ZNF385B: variants seen among roughly 807,000 people sequenced by gnomAD.
ZNF385B encodes the protein zinc finger protein 385B.
ZNF385B carries 23 observed loss-of-function variants against 39.2 expected under a neutral mutation model. The observed-to-expected ratio is 0.59, with a 90% CI of 0.42 to 0.83. The LOEUF (loss-of-function observed/expected upper bound fraction) is 0.83. ZNF385B is among the 40% of genes least tolerant of loss of function. The probability of loss-of-function intolerance (pLI) is 0.00; values close to 1 mark genes in which losing one functional copy is unlikely to be tolerated. For synonymous variants in ZNF385B, 205 were observed against 222.6 expected (o/e 0.92, Z 0.70); for missense variants, 552 against 598.9 (o/e 0.92, Z 0.82).
At chr2:179,538,449 A>G (rs1035340241) in intron 4 of ZNF385B, among the ~76,000 whole-genome samples, 14 of 152,214 alleles carry the variant, frequency 9.2e-5, no homozygotes, top group African/African-American at 3.4e-4. Flanking sequence ...TGTGAATTTG[A>G]TTCCCAATTT....
At chr2:179,527,237 G>A (rs11891238) in intron 4 of ZNF385B, among the ~76,000 whole-genome samples, 149 of 152,232 alleles carry the variant, frequency 9.8e-4, no homozygotes, top group African/African-American at 3.5e-3. Flanking sequence ...ATATATTCCC[G>A]ATAGAAAACA....
intron 3 of ZNF385B, chr2:179,637,159 A>G (rs1432270436): frequency 6.6e-6 from 1 of 152,142 alleles, no homozygotes; most frequent in Non-Finnish European, 1.5e-5. Context: ...TTGCCAGCAA[A>G]TATTTCAGGA....
intron 3 of ZNF385B, among the ~76,000 whole-genome samples, chr2:179,581,613 T>C (rs2106035002): frequency 6.6e-6 from 1 of 152,346 alleles, no homozygotes; most frequent in East Asian, 1.9e-4. Flanking sequence ...GGCACTACTC[T>C]AGGTACTTAT....
chr2:179,667,152 T>C (rs936164598), intron 3 of ZNF385B, among the ~76,000 whole-genome samples: 6 of 152,184 alleles, frequency 3.9e-5, no homozygotes, highest in African/African-American at 1.4e-4. Context: ...GGAAAGATTC[T>C]GAAATTCAGA....
At chr2:179,760,216 C>CTGTGTGTGCG (rs201993209) in intron 3 of ZNF385B, among the ~76,000 whole-genome samples, 1 of 110,272 alleles carries the variant, frequency 9.1e-6, no homozygotes, top group African/African-American at 3.3e-5. Flanking sequence ...ACCTGGATTC[C>CTGTGTGTGCG]TGTGTGCGTG....
intron 3 of ZNF385B, among the ~76,000 whole-genome samples, chr2:179,701,385 T>C (rs1699187568): frequency 6.6e-6 from 1 of 152,228 alleles, no homozygotes; most frequent in Non-Finnish European, 1.5e-5. Flanking sequence ...TAGACAATAA[T>C]AACTAATGAC....
chr2:179,812,319 T>C (rs373645637), intron 1 of ZNF385B, among the ~76,000 whole-genome samples: 13 of 152,278 alleles, frequency 8.5e-5, no homozygotes, highest in African/African-American at 3.1e-4. Flanking sequence ...TTAATTCTTC[T>C]ACCAAAAACA....
At chr2:179,787,121 T>C (rs1025553238) in intron 1 of ZNF385B, among the ~76,000 whole-genome samples, 29 of 152,298 alleles carry the variant, frequency 1.9e-4, no homozygotes, top group African/African-American at 7.0e-4. Flanking sequence ...ATGGATTTTT[T>C]TTGTATATTT....
At chr2:179,631,663 A>G (rs1041977998) in intron 3 of ZNF385B, among the ~76,000 whole-genome samples, 7 of 152,198 alleles carry the variant, frequency 4.6e-5, no homozygotes, top group Admixed American at 2.0e-4. Context: ...TCAAATTCAC[A>G]CATAACAATA....
intron 6 of ZNF385B, among the ~76,000 whole-genome samples, chr2:179,467,125 C>T (rs2052141089): frequency 6.6e-6 from 1 of 151,922 alleles, no homozygotes; most frequent in Non-Finnish European, 1.5e-5. Context: ...ACAATTAACC[C>T]ATATCCCCAG....
At chr2:179,798,863 C>A (rs1189531044) in intron 1 of ZNF385B, among the ~76,000 whole-genome samples, 21 of 151,876 alleles carry the variant, frequency 1.4e-4, no homozygotes, top group Non-Finnish European at 2.7e-4. Flanking sequence ...TTATTTAAAA[C>A]ATTTATGTTG....
At chr2:179,647,645 A>G (rs1317762352) in intron 3 of ZNF385B, among the ~76,000 whole-genome samples, 2 of 152,342 alleles carry the variant, frequency 1.3e-5, no homozygotes, top group African/African-American at 4.8e-5. Context: ...CCAGGAGAAG[A>G]TATTCAAGTA....
chr2:179,469,606 A>G (rs1239019229), intron 6 of ZNF385B, among the ~76,000 whole-genome samples: 1 of 152,162 alleles, frequency 6.6e-6, no homozygotes, highest in African/African-American at 2.4e-5. Flanking sequence ...GGTGGGGTAC[A>G]TTTTACCCAG....
chr2:179,622,504 T>C (rs1690301028), intron 3 of ZNF385B, among the ~76,000 whole-genome samples: 1 of 152,196 alleles, frequency 6.6e-6, no homozygotes, highest in Admixed American at 6.5e-5. Context: ...ATAAACCTTA[T>C]TTTCTAAGTT....
intron 3 of ZNF385B, among the ~76,000 whole-genome samples, chr2:179,620,405 A>G (rs1039217136): frequency 1.3e-5 from 2 of 152,172 alleles, no homozygotes; most frequent in African/African-American, 4.8e-5. Context: ...GTATTTGACA[A>G]TATCATATAT....
At chr2:179,837,871 A>C (rs1386412601) in intron 1 of ZNF385B, among the ~76,000 whole-genome samples, 1 of 152,242 alleles carries the variant, frequency 6.6e-6, no homozygotes, top group African/African-American at 2.4e-5. Flanking sequence ...TAAAAGAAGA[A>C]AGGTAATAAC....
intron 3 of ZNF385B, among the ~76,000 whole-genome samples, chr2:179,718,827 AT>A (rs1303098577): frequency 1.9e-4 from 24 of 129,036 alleles, no homozygotes; most frequent in Admixed American, 1.7e-3. Context: ...CCCTGTATCT[AT>A]TAAAAAAAAA....
chr2:179,496,796 C>A (rs2056263277), intron 5 of ZNF385B, among the ~76,000 whole-genome samples: 2 of 152,214 alleles, frequency 1.3e-5, no homozygotes, highest in African/African-American at 4.8e-5. Context: ...TGCCTGTAAT[C>A]TCAGCACTTT....
At chr2:179,780,507 C>T (rs1441777151) in intron 1 of ZNF385B, among the ~76,000 whole-genome samples, 1 of 152,190 alleles carries the variant, frequency 6.6e-6, no homozygotes, top group Non-Finnish European at 1.5e-5. Context: ...TGCTTCCTTC[C>T]GTTTTCTGTT....
Sources: gnomAD v4.1 joint callset for allele counts (sites outside exome capture counted in the v4.1 genomes callset) on GRCh38, gnomAD v4.1.1 for gene constraint, MANE v1.5 for transcripts, NCBI Gene and HGNC (gene_info 2026-07-23, HGNC 2026-07-21) for gene names.